Variants in PTPDC1 observed in about 807,000 individuals in gnomAD.
PTPDC1 encodes protein tyrosine phosphatase domain-containing protein 1.
In PTPDC1, 53 loss-of-function variants were observed where a neutral mutation model predicts 75.3. The ratio of observed to expected loss-of-function variants is 0.70; its 90% CI spans 0.56 to 0.88. PTPDC1 has a LOEUF of 0.88. Ranked by LOEUF, PTPDC1 falls within the 40% of genes least tolerant of loss-of-function variation. The pLI, the probability that PTPDC1 is intolerant of heterozygous loss-of-function variation, is 0.00. For missense variants in PTPDC1, 925 were observed against 998.6 expected, an observed-to-expected ratio of 0.93 and a Z score of 0.99; for synonymous variants, 349 against 366.2, an observed-to-expected ratio of 0.95 and a Z score of 0.54.
chr9:94,061,473 C>T (rs1826134077), intron 1 of PTPDC1, among the ~76,000 whole-genome samples: 1 of 152,224 alleles, frequency 6.6e-6, no homozygotes, highest in African/African-American at 2.4e-5. Flanking sequence ...GGGTCCAACC[C>T]CACATTTCCC....
chr9:94,030,879 G>A (rs1007918679), exon 1 of PTPDC1: 2 of 152,198 alleles, frequency 1.3e-5, no homozygotes, highest in African/African-American at 2.4e-5. Context: ...CTCGCCCCAG[G>A]ACGTTGTCCG....
intron 2 of PTPDC1, among the ~76,000 whole-genome samples, chr9:94,068,507 AT>A (rs1451866948): frequency 9.9e-5 from 15 of 152,128 alleles, no homozygotes; most frequent in Non-Finnish European, 2.2e-4. Flanking sequence ...ACAAGATGTC[AT>A]TTTGCCCCGT....
chr9:94,055,904 CAG>C (rs1351437920), intron 1 of PTPDC1, among the ~76,000 whole-genome samples: 1 of 152,080 alleles, frequency 6.6e-6, no homozygotes, highest in African/African-American at 2.4e-5. Flanking sequence ...ATGCACAACA[CAG>C]AGTGCATTCT....
Position 94,106,700 on chromosome 9 carries a change from AT to A in PTPDC1, c.2311-1125del, listed in dbSNP as rs1398033947. 2.0e-5 allele frequency among the ~76,000 whole-genome samples: 3 copies of A among 152,164 alleles called. No homozygotes were observed. In the East Asian group the frequency reaches 5.8e-4, roughly 29 times the overall value. On this transcript the variant is annotated intron_variant, in intron 8 of 8. Transcript: ENST00000620992. The stretch of plus-strand genomic sequence containing the variant: ...AGGGAACAACCTTTCATTTGTCAAA[AT>A]TTATCAGAGAGGGAGAAATTCCAGA...
At chr9:94,048,728 G>A (rs1039642388) in intron 1 of PTPDC1, among the ~76,000 whole-genome samples, 3 of 152,142 alleles carry the variant, frequency 2.0e-5, no homozygotes, top group South Asian at 2.1e-4. Flanking sequence ...GGTCTGCTTG[G>A]TGCAGAGCTC....
chr9:94,058,475 G>A (rs1050283187), intron 1 of PTPDC1, among the ~76,000 whole-genome samples: 12 of 151,646 alleles, frequency 7.9e-5, no homozygotes, highest in Non-Finnish European at 1.6e-4. Context: ...GAGGCGGGCG[G>A]ATCACTTGAA....
rs1477527543 is a variant in PTPDC1, at chr9:94,101,598, A to G, written c.2046A>G (p.Glu682=). ...KELNSRDGAW[E]RICGERDPFI... ...TTAATTCCCGAGATGGAGCTTGGGA[A>G]AGAATATGTGGCGAGAGGGACCCTT... is the stretch of plus-strand genomic sequence containing the variant. Residue 682 remains glutamate, a synonymous_variant, in exon 7 of 9, where the codon GAA becomes GAG. Transcript: ENST00000620992. The G allele has an allele frequency of 6.2e-7, 1 of 1,613,262 alleles. No homozygotes were observed. Among genetic ancestry groups the G allele is most frequent in the South Asian group, 1.1e-5 (1 of 90,938 alleles).
exon 2 of PTPDC1, chr9:94,064,775 A>G (rs372728307): frequency 2.9e-5 from 46 of 1,613,796 alleles, no homozygotes; most frequent in Middle Eastern, 1.6e-4. Context: ...ATGAACAACC[A>G]TATTCTACCT....
At chr9:94,040,749 C>A (rs550919520) in intron 1 of PTPDC1, among the ~76,000 whole-genome samples, 20 of 151,854 alleles carry the variant, frequency 1.3e-4, no homozygotes, top group Admixed American at 7.2e-4. Context: ...CCATTTTTAC[C>A]ATTAAAAAGT....
intron 5 of PTPDC1, 126 bp from the exon 6 acceptor site, chr9:94,097,195 A>T: frequency 2.9e-6 from 2 of 692,896 alleles, no homozygotes; most frequent in Non-Finnish European, 4.8e-6. Context: ...AATTGTCCTT[A>T]AAATGTGTCT....
Position 94,109,787 on chromosome 9 carries a change from A to G in PTPDC1, c.*1843A>G, listed in dbSNP as rs1166477213. ...TGAAACCTGAAAAAAGAGATATGAC[A>G]AGGGAAATTAATCAGGCTATACATA... On this transcript the variant is annotated 3_prime_UTR_variant, in exon 9 of 9. Transcript: ENST00000620992. 1 of 152,210 alleles carries G rather than the reference A, an allele frequency of 6.6e-6. No individual in the cohort carries two copies. Among genetic ancestry groups the G allele is most frequent in the Non-Finnish European group, 1.5e-5 (1 of 68,038 alleles). The allele number at this position is 152,210 out of a possible 1,614,324, so 9.4% of individuals were successfully genotyped here. A position where few individuals can be genotyped will look rare whatever the true frequency, so the allele number is the denominator to read the frequency against.
At chr9:94,061,339 G>T (rs570386462) in intron 1 of PTPDC1, among the ~76,000 whole-genome samples, 1 of 152,208 alleles carries the variant, frequency 6.6e-6, no homozygotes, top group Non-Finnish European at 1.5e-5. Context: ...GGCATTGAGT[G>T]CCTATGGCTT....
At chr9:94,045,835 G>A (rs1270812849) in intron 1 of PTPDC1, among the ~76,000 whole-genome samples, 1 of 151,900 alleles carries the variant, frequency 6.6e-6, no homozygotes, top group Non-Finnish European at 1.5e-5. Context: ...CTGTGCAGAA[G>A]CTCTTTAGTT....
chr9:94,103,099 C>T (rs903886239), intron 7 of PTPDC1, among the ~76,000 whole-genome samples: 5 of 151,906 alleles, frequency 3.3e-5, no homozygotes, highest in Admixed American at 1.3e-4. Flanking sequence ...ATACACAATA[C>T]ACAGACATGT....
upstream of PTPDC1, among the ~76,000 whole-genome samples, chr9:94,083,252 T>C (rs1455140694): frequency 6.6e-6 from 1 of 152,162 alleles, no homozygotes; most frequent in Non-Finnish European, 1.5e-5. Flanking sequence ...CCTAGAATAA[T>C]CCTCATATAA....
chr9:94,086,988 T>C (rs1218756779), intron 2 of PTPDC1, among the ~76,000 whole-genome samples: 5 of 152,214 alleles, frequency 3.3e-5, no homozygotes, highest in Admixed American at 3.3e-4. Context: ...CATATTGAAT[T>C]CTCACACCAA....
intron 1 of PTPDC1, among the ~76,000 whole-genome samples, chr9:94,056,046 A>G (rs908068882): frequency 3.9e-5 from 6 of 152,154 alleles, no homozygotes; most frequent in Non-Finnish European, 8.8e-5. Context: ...GGGGATGGGT[A>G]TATGGGAAGC....
At chr9:94,076,249 C>T (rs1826683646) in intron 2 of PTPDC1, among the ~76,000 whole-genome samples, 1 of 152,164 alleles carries the variant, frequency 6.6e-6, no homozygotes. Flanking sequence ...GGTAATCCAC[C>T]TGCCTCAGCC....
chr9:94,076,633 A>G (rs1021090261), intron 2 of PTPDC1, among the ~76,000 whole-genome samples: 5 of 152,094 alleles, frequency 3.3e-5, no homozygotes, highest in Non-Finnish European at 1.5e-5. Flanking sequence ...TTTGGCTATT[A>G]TGAGTAATAA....
Sources: gnomAD v4.1 joint callset for allele counts (sites outside exome capture counted in the v4.1 genomes callset) on GRCh38, gnomAD v4.1.1 for gene constraint, MANE v1.5 for transcripts, NCBI Gene and HGNC (gene_info 2026-07-23, HGNC 2026-07-21) for gene names.